The following NDUFA7 variants were observed in gnomAD, a reference collection of about 807,000 sequenced individuals.
The protein encoded by NDUFA7 is NADH:ubiquinone oxidoreductase subunit A7.
A neutral mutation model predicts 14.2 loss-of-function variants in NDUFA7; 18 were observed. The ratio of observed to expected loss-of-function variants is 1.27; its 90% CI spans 0.88 to 1.88. The LOEUF (loss-of-function observed/expected upper bound fraction) is 1.88, where lower values mean the gene tolerates loss of function less well. NDUFA7 is among the 40% of genes most tolerant of loss of function. NDUFA7 has a pLI of 0.00. For synonymous variants in NDUFA7, 75 were observed against 62.1 expected, an observed-to-expected ratio of 1.21 and a Z score of -0.98; for missense variants, 172 against 147.3, an observed-to-expected ratio of 1.17 and a Z score of -0.87.
At chr19:8,314,129 C>T (rs1970207999) in intron 3 of NDUFA7, among the ~76,000 whole-genome samples, 1 of 152,046 alleles carries the variant, frequency 6.6e-6, no homozygotes, top group Admixed American at 6.6e-5. Flanking sequence ...CAAGACCGGC[C>T]TGACCAACAT....
intron 3 of NDUFA7, among the ~76,000 whole-genome samples, chr19:8,315,773 C>T (rs1005696266): frequency 1.3e-5 from 2 of 152,040 alleles, no homozygotes; most frequent in Admixed American, 1.3e-4. Flanking sequence ...TTCCACCTAA[C>T]GAGGAACACC....
chr19:8,314,665 G>A (rs1347914835), intron 3 of NDUFA7, among the ~76,000 whole-genome samples: 1 of 152,218 alleles, frequency 6.6e-6, no homozygotes, highest in Non-Finnish European at 1.5e-5. Flanking sequence ...TGTAATCCCA[G>A]CACTTTGGGA....
chr19:8,314,402 G>GA (rs113923937), intron 3 of NDUFA7, among the ~76,000 whole-genome samples: 22,785 of 152,032 alleles, frequency 0.15, 3,756 homozygotes, highest in African/African-American at 0.41. Flanking sequence ...AGGGACCCCG[G>GA]ACTTCATCTG....
chr19:8,310,146 T>C (rs1438005120), downstream of NDUFA7, among the ~76,000 whole-genome samples: 1 of 152,084 alleles, frequency 6.6e-6, no homozygotes, highest in Non-Finnish European at 1.5e-5. Flanking sequence ...AGATGGAAGT[T>C]AGGCCAGGCG....
downstream of NDUFA7, among the ~76,000 whole-genome samples, chr19:8,309,874 C>A (rs1451438822): frequency 1.3e-5 from 2 of 152,196 alleles, no homozygotes; most frequent in Non-Finnish European, 2.9e-5. Context: ...GACACCCTCC[C>A]TTTGCAGATT....
chr19:8,311,384 T>C lies in NDUFA7; in HGVS notation c.*121A>G. On this transcript the variant is annotated 3_prime_UTR_variant, in exon 4 of 4. Coordinates refer to ENST00000301457, the MANE Select transcript of NDUFA7 (RefSeq NM_005001.5). ...GTGAGACTCTGTCTCTATTTTTTTA[T>C]TTTTTAAAGTAAAACTAGAAGTGAT... The C allele has an allele frequency of 1.3e-6, 1 of 796,442 alleles. No individual in the cohort carries two copies. The highest frequency in any genetic ancestry group is 2.0e-6 in the Non-Finnish European group (1 of 507,068). 49.3% of individuals were successfully genotyped at this position (796,442 alleles called of 1,614,324 possible). A position where few individuals can be genotyped will look rare whatever the true frequency, so the allele number is the denominator to read the frequency against.
downstream of NDUFA7, chr19:8,308,647 G>T: frequency 3.3e-6 from 1 of 307,374 alleles, no homozygotes; most frequent in Non-Finnish European, 6.0e-6. Flanking sequence ...CAGGCACTCC[G>T]CATTTCCTCC....
At chr19:8,319,123 G>T (rs975136742) in intron 2 of NDUFA7, among the ~76,000 whole-genome samples, 1 of 151,634 alleles carries the variant, frequency 6.6e-6, no homozygotes, top group Non-Finnish European at 1.5e-5. Flanking sequence ...GGGGGTTGGG[G>T]GGGAGAGAGC....
In NDUFA7 at chr19:8,311,510, G is replaced by C. The variant is rs997927694; in HGVS notation, c.337C>G (p.Leu113Val). 4.4e-6 allele frequency: 7 copies of C among 1,608,998 alleles called. No homozygotes were observed. Among genetic ancestry groups the C allele is most frequent in the Non-Finnish European group, 5.9e-6 (7 of 1,177,456 alleles). The change falls in exon 4 of 4, where the codon CTG (leucine) becomes GTG (valine). Residue 113 changes from leucine to valine, a missense_variant. Leu to Val is a conservative substitution (Grantham distance 32). Transcript: ENST00000301457. ...RWELSSDQPY[L>V] ...GTGGCCGTGAGGGTGCAGTGTCACA[G>C]GTAAGGCTGGTCCGAGGACAGCTCC... is the stretch of plus-strand genomic sequence containing the variant.
chr19:8,311,745 C>G (rs1222283800), intron 3 of NDUFA7, 150 bp from the exon 4 acceptor site: 2 of 592,164 alleles, frequency 3.4e-6, no homozygotes, highest in African/African-American at 3.8e-5. Flanking sequence ...GCCAACCCCT[C>G]CAACGCAGCC....
Position 8,311,617 on chromosome 19 carries a change from G to A in NDUFA7, c.252-22C>T, listed in dbSNP as rs201843153. 92 of 1,599,262 alleles carry A rather than the reference G, an allele frequency of 5.8e-5. 1 individual carries two copies. The Admixed American group carries it at 1.5e-3, about 26-fold the overall frequency. The stretch of plus-strand genomic sequence containing the variant: ...AGAGCTGGAGGAGGGAAAGACTTCA[G>A]TGAGGGTTTCCAAAGAACAGTGTGG... On this transcript the variant is annotated intron_variant, in intron 3 of 3. Transcript: ENST00000301457.
chr19:8,317,592 G>C (rs1260029483), intron 2 of NDUFA7, among the ~76,000 whole-genome samples: 1 of 152,192 alleles, frequency 6.6e-6, no homozygotes, highest in Admixed American at 6.6e-5. Flanking sequence ...AAATTGATCT[G>C]TTTCCACTTA....
Position 8,320,876 on chromosome 19 carries a change from A to G in NDUFA7, c.82T>C (p.Tyr28His). The G allele has an allele frequency of 6.2e-7, 1 of 1,613,736 alleles. No homozygotes were observed. ...GCTCACCGCTTGGAGATCTCCTGGT[A>G]GCGTAGCTGCAGCTTCCCCTGCAGG... ...HDLQGKLQLR[Y>H]QEISKRTQPP... Residue 28 changes from tyrosine to histidine, a missense_variant, in exon 2 of 4, where the codon TAC becomes CAC. Tyr to His is a moderately conservative substitution (Grantham distance 83). Coordinates refer to ENST00000301457, the MANE Select transcript of NDUFA7 (RefSeq NM_005001.5).
At chr19:8,311,665 C>T in intron 3 of NDUFA7, 70 bp from the exon 4 acceptor site, 2 of 1,345,976 alleles carry the variant, frequency 1.5e-6, no homozygotes, top group Middle Eastern at 2.4e-4. Flanking sequence ...GAGCCCACAC[C>T]TGCCCCGGGA....
chr19:8,321,331 G>C lies in NDUFA7; in HGVS notation c.28C>G (p.Arg10Gly). 6.3e-7 allele frequency: 1 copy of C among 1,580,404 alleles called. No homozygotes were observed. The highest frequency in any genetic ancestry group is 1.2e-5 in the South Asian group (1 of 86,862). ...ACCCCGGACGCCCAGTTCCGCAGCC[G>C]CTGGATGAGACGGGTGGCGGACGCC... MASATRLIQ[R>G]LRNWASGHDL... The change falls in exon 1 of 4, where the codon CGG becomes GGG. Residue 10 changes from arginine (R) to glycine (G), a missense_variant. Physicochemically the swap from Arg to Gly is moderately radical, Grantham distance 125. Transcript: ENST00000301457.
At chr19:8,316,148 C>CAAAAGAAAAAAA (rs571493580) in intron 3 of NDUFA7, among the ~76,000 whole-genome samples, 1 of 80,648 alleles carries the variant, frequency 1.2e-5, no homozygotes, top group African/African-American at 4.3e-5. Flanking sequence ...GACTCCGTCT[C>CAAAAGAAAAAAA]AAAAAAAAAA....
chr19:8,315,632 A>G (rs936485978), intron 3 of NDUFA7, among the ~76,000 whole-genome samples: 2 of 152,092 alleles, frequency 1.3e-5, no homozygotes, highest in African/African-American at 4.8e-5. Flanking sequence ...CATCACACCC[A>G]ATAATGATGA....
At chr19:8,321,255 G>A (rs1342234998) in intron 1 of NDUFA7, 53 bp downstream of exon 1, 4 of 1,493,524 alleles carry the variant, frequency 2.7e-6, no homozygotes, top group Non-Finnish European at 3.6e-6. Flanking sequence ...AGCGGGTCCC[G>A]GACACACGGA....
At position 8,311,459 on chromosome 19, in the gene NDUFA7, G is replaced by A. The variant is rs761207282; in HGVS notation, c.*46C>T. 4 of 1,447,886 alleles carry A rather than the reference G, an allele frequency of 2.8e-6. No individual in the cohort carries two copies. The highest frequency in any genetic ancestry group is 2.8e-5 in the African/African-American group (2 of 70,986). The allele number at this position is 1,447,886 out of a possible 1,614,324, so 89.7% of individuals were successfully genotyped here. On this transcript the variant is annotated 3_prime_UTR_variant, in exon 4 of 4. Transcript: ENST00000301457. ...AAATTAGGTCACATTCTCCCTGGAG[G>A]AAATCCAAGGAGGCAAAGTAGTCGG...
Sources: allele counts gnomAD v4.1 joint callset (sites outside exome capture counted in the v4.1 genomes callset), GRCh38; gene constraint gnomAD v4.1.1; transcripts MANE v1.5; gene names NCBI Gene and HGNC (gene_info 2026-07-23, HGNC 2026-07-21).